The following TRIP11 variants were observed in gnomAD, a reference collection of about 807,000 sequenced individuals.
TRIP11 encodes the protein thyroid hormone receptor interactor 11, also known as thyroid receptor-interacting protein 11.
Under a neutral mutation model 223.1 loss-of-function variants are expected in TRIP11, and 148 were observed. That is an observed-to-expected ratio of 0.66 (90% CI 0.58 to 0.76). The LOEUF (loss-of-function observed/expected upper bound fraction) is 0.76. TRIP11 is among the 30% of genes least tolerant of loss of function. TRIP11 has a pLI of 0.00. For missense variants in TRIP11, 2,043 were observed against 2,222.0 expected (o/e 0.92, Z 1.62); for synonymous variants, 762 against 772.6 (o/e 0.99, Z 0.23).
Position 92,014,264 on chromosome 14 carries a change from G to C in TRIP11, c.1137C>G (p.Ala379=), listed in dbSNP as rs551617634. 11 of 1,613,954 alleles carry C rather than the reference G, an allele frequency of 6.8e-6. No homozygotes were observed. The South Asian group carries it at 1.2e-4, about 18-fold the overall frequency. ...DTMTEKERIL[A]QSASVEEVFR... is the part of the protein sequence containing the mutation. The stretch of plus-strand genomic sequence containing the variant: ...ACACTTCTTCCACTGATGCACTCTG[G>C]GCAAGAATTCTTTCCTTTTCTGTCA... The change falls in exon 7 of 21, where the codon GCC becomes GCG. Residue 379 remains alanine, a synonymous_variant. Coordinates refer to ENST00000267622, the MANE Select transcript of TRIP11 (RefSeq NM_004239.4).
intron 11 of TRIP11, among the ~76,000 whole-genome samples, chr14:92,000,708 C>T (rs921121801): frequency 1.3e-5 from 2 of 152,172 alleles, no homozygotes; most frequent in African/African-American, 4.8e-5. Flanking sequence ...TGTGTGCACA[C>T]GTATGTGCGT....
chr14:92,025,311 T>A lies in TRIP11; in HGVS notation c.311A>T (p.Glu104Val), dbSNP rs752108992. 1.9e-6 allele frequency: 3 copies of A among 1,609,306 alleles called. No individual in the cohort carries two copies. The highest frequency in any genetic ancestry group is 1.7e-4 in the Middle Eastern group (1 of 6,052). ...TSYRNQLQQK[E>V]VEISHLKARQ... ...TGAAGTAACTGTGATAACATTTACC[T>A]CTTTTTGTTGAAGTTGATTTCGGTA... Residue 104 changes from glutamate (E) to valine (V), a missense_variant and splice_region_variant, in exon 3 of 21, where the codon GAG becomes GTG. Transcript: ENST00000267622.
At chr14:92,003,362 T>C in intron 11 of TRIP11, 57 bp downstream of exon 11, 1 of 1,600,376 alleles carries the variant, frequency 6.2e-7, no homozygotes, top group East Asian at 2.2e-5. Flanking sequence ...GAAATAACAT[T>C]AAAAAAAGTC....
chr14:91,993,914 T>C lies in TRIP11; in HGVS notation c.5057-2A>G. On this transcript the variant is annotated splice_acceptor_variant, in intron 14 of 20. Transcript: ENST00000267622. LOFTEE classifies it high-confidence loss of function. ...CAGCAGAATACATAGCTTTTTCCTC[T>C]AAAGAGAAAAGAAAGTTAACATTAG... is the stretch of plus-strand genomic sequence containing the variant. 6.2e-7 allele frequency: 1 copy of C among 1,608,868 alleles called. No homozygotes were observed. Among genetic ancestry groups the C allele is most frequent in the African/African-American group, 1.3e-5 (1 of 74,932 alleles).
chr14:92,027,603 G>A (rs771266762), intron 2 of TRIP11, among the ~76,000 whole-genome samples: 1 of 151,886 alleles, frequency 6.6e-6, no homozygotes, highest in East Asian at 1.9e-4. Context: ...CAAAAGAAAT[G>A]GACACTAAAA....
Position 91,967,854 on chromosome 14 carries a change from A to C in TRIP11, c.*1819T>G, listed in dbSNP as rs1238188309. On this transcript the variant is annotated 3_prime_UTR_variant, in exon 21 of 21. Coordinates refer to ENST00000267622, the MANE Select transcript of TRIP11 (RefSeq NM_004239.4). ...CTTTGTTAGGAGCATATAAAAACCA[A>C]GGAGTAACAACTCACAGAGAAATAA... 5.0e-6 allele frequency: 1 copy of C among 199,212 alleles called. No homozygotes were observed. The highest frequency in any genetic ancestry group is 1.0e-5 in the Non-Finnish European group (1 of 96,542). 12.3% of individuals were successfully genotyped at this position (199,212 alleles called of 1,614,324 possible).
chr14:92,007,576 A>C, intron 10 of TRIP11, 64 bp downstream of exon 10: 2 of 1,534,284 alleles, frequency 1.3e-6, no homozygotes, highest in Admixed American at 3.3e-5. Context: ...AATCACACCC[A>C]CCATTTCTGT....
At chr14:92,030,107 G>A (rs988374275) in intron 2 of TRIP11, among the ~76,000 whole-genome samples, 1 of 148,068 alleles carries the variant, frequency 6.8e-6, no homozygotes, top group Non-Finnish European at 1.5e-5. Flanking sequence ...TGAGGCAGGA[G>A]AATGGCGTGA....
chr14:91,998,898 C>T (rs72705397), intron 13 of TRIP11, among the ~76,000 whole-genome samples: 11,525 of 152,202 alleles, frequency 0.076, 584 homozygotes, highest in Admixed American at 0.14. Flanking sequence ...AATACAACCA[C>T]ATAAATAGTT....
rs1293432636 is a variant in TRIP11 at position 92,039,737 on chromosome 14, A to G, written c.-52T>C. ...TCCGCTCGGAAAAAAGAAAACGTTTAGCGCCGCCGGGCGATCCGACCAAAT... is the reference window on the plus strand; with the variant it reads ...TCCGCTCGGAAAAAAGAAAACGTTTGGCGCCGCCGGGCGATCCGACCAAAT... On this transcript the variant is annotated 5_prime_UTR_variant, in exon 1 of 21. Transcript: ENST00000267622. The G allele has an allele frequency of 1.3e-6, 2 of 1,578,748 alleles. No homozygotes were observed. The highest frequency in any genetic ancestry group is 1.8e-5 in the Admixed American group (1 of 54,152).
intron 12 of TRIP11, 130 bp from the exon 13 acceptor site, chr14:91,999,563 T>C: frequency 1.0e-6 from 1 of 992,394 alleles, no homozygotes; most frequent in South Asian, 1.5e-5. Flanking sequence ...CTGCAAAATG[T>C]ATTTATGCTA....
intron 20 of TRIP11, 137 bp downstream of exon 20, chr14:91,972,580 T>C: frequency 5.0e-6 from 4 of 806,170 alleles, no homozygotes; most frequent in Non-Finnish European, 7.6e-6. Flanking sequence ...AAAAGCCTGA[T>C]GCCTTATTGG....
chr14:92,031,246 G>A (rs570202688), intron 2 of TRIP11, among the ~76,000 whole-genome samples: 2 of 152,070 alleles, frequency 1.3e-5, no homozygotes, highest in Admixed American at 6.5e-5. Context: ...AGCCTCCCAA[G>A]TAGCTGGGAT....
intron 3 of TRIP11, 66 bp from the exon 4 acceptor site, chr14:92,021,897 T>C (rs964365964): frequency 2.6e-6 from 4 of 1,546,094 alleles, no homozygotes; most frequent in South Asian, 1.1e-5. Flanking sequence ...TTTTTATAGA[T>C]TTGTATTAAA....
Position 92,005,673 on chromosome 14 carries a change from T to C in TRIP11, c.2303A>G (p.Asn768Ser), listed in dbSNP as rs140780067. ...QLEHEHLIKL[N>S]QKKDMEIAEL... The stretch of plus-strand genomic sequence containing the variant: ...TGCTATTTCCATGTCTTTCTTTTGA[T>C]TGAGTTTAATTAAATGCTCATGTTC... The change falls in exon 11 of 21, where the codon AAT becomes AGT. Residue 768 changes from asparagine (N) to serine (S), a missense_variant. Asn to Ser is a conservative substitution (Grantham distance 46, BLOSUM62 1). Coordinates refer to ENST00000267622, the MANE Select transcript of TRIP11 (RefSeq NM_004239.4). 189 of 1,613,706 alleles carry C rather than the reference T, an allele frequency of 1.2e-4. No individual in the cohort carries two copies. The highest frequency in any genetic ancestry group is 1.4e-4 in the Non-Finnish European group (171 of 1,180,038).
At chr14:91,987,213 A>T (rs2295167) in intron 16 of TRIP11, among the ~76,000 whole-genome samples, 78,665 of 151,922 alleles carry the variant, frequency 0.52, 21,513 homozygotes, top group African/African-American at 0.7. Flanking sequence ...CCTGGTCAAG[A>T]CTTACAAGGT....
chr14:92,005,390 A>G lies in TRIP11; in HGVS notation c.2586T>C (p.Asn862=). The G allele has an allele frequency of 7.4e-6, 12 of 1,613,920 alleles. No individual in the cohort carries two copies. Among genetic ancestry groups the G allele is most frequent in the Non-Finnish European group, 1.0e-5 (12 of 1,180,006 alleles). ...GTTCCAATTCTTCTTGCAGATGATT[A>G]TTTTCCTCTTTCATGGATCCAAGAC... The part of the protein sequence containing the change: ...DRSLGSMKEE[N]NHLQEELERL... The change falls in exon 11 of 21, where the codon AAT becomes AAC. Residue 862 remains asparagine, a synonymous_variant. Coordinates refer to ENST00000267622, the MANE Select transcript of TRIP11 (RefSeq NM_004239.4).
At position 92,004,881 on chromosome 14, in the gene TRIP11, A is replaced by C; in HGVS notation, c.3095T>G (p.Ile1032Ser). Residue 1032 changes from isoleucine (I) to serine (S), a missense_variant, in exon 11 of 21, where the codon ATT (isoleucine) becomes AGT (serine). Physicochemically the swap from Ile to Ser is moderately radical, Grantham distance 142. Coordinates refer to ENST00000267622, the MANE Select transcript of TRIP11 (RefSeq NM_004239.4). ...VKGIKERELE[I>S]KLLNEKNISL... is the part of the protein sequence containing the mutation. ...TATATTCTTTTCATTTAGAAGTTTA[A>C]TCTCCAGTTCTCGCTCTTTTATTCC... is the stretch of plus-strand genomic sequence containing the variant. The C allele has an allele frequency of 6.2e-7, 1 of 1,613,902 alleles. No individual in the cohort carries two copies. Among genetic ancestry groups the C allele is most frequent in the Non-Finnish European group, 8.5e-7 (1 of 1,179,998 alleles).
Position 92,015,773 on chromosome 14 carries a change from T to G in TRIP11, c.746A>C (p.Glu249Ala). The G allele has an allele frequency of 1.2e-6, 2 of 1,613,630 alleles. No individual in the cohort carries two copies. Among genetic ancestry groups the G allele is most frequent in the Non-Finnish European group, 1.7e-6 (2 of 1,179,854 alleles). ...TTCTTCTCGATGTCGTCGACTTATT[T>G]CTGTCAATTTCTGTTGGTGTGCATT... Reference protein sequence around the residue: ...LQNAHQQKLTEISRRHREELS... With the variant: ...LQNAHQQKLTAISRRHREELS... The change falls in exon 6 of 21, where the codon GAA becomes GCA. Residue 249 changes from glutamate to alanine, a missense_variant. Physicochemically the swap from Glu to Ala is moderately radical, Grantham distance 107. Transcript: ENST00000267622.
Sources: gnomAD v4.1 joint callset for allele counts (sites outside exome capture counted in the v4.1 genomes callset) on GRCh38, gnomAD v4.1.1 for gene constraint, MANE v1.5 for transcripts, NCBI Gene and HGNC (gene_info 2026-07-23, HGNC 2026-07-21) for gene names.